The following PSD3 variants were observed in gnomAD, a reference collection of about 807,000 sequenced individuals.
PSD3 encodes the protein PH and SEC7 domain-containing protein 3.
PSD3 carries 49 observed loss-of-function variants against 105.5 expected under a neutral mutation model. The observed-to-expected ratio is 0.46, with a 90% CI of 0.37 to 0.59. PSD3 has a LOEUF of 0.59. Among genes scored for constraint, PSD3 ranks in the 20% least tolerant of loss-of-function variants. The pLI, the probability that PSD3 is intolerant of heterozygous loss-of-function variation, is 0.00. For synonymous variants in PSD3, 557 were observed against 457.8 expected (o/e 1.22, Z -2.77); for missense variants, 1,561 against 1,263.8 (o/e 1.24, Z -3.57).
chr8:18,984,985 G>A (rs529836243), intron 1 of PSD3, among the ~76,000 whole-genome samples: 1 of 152,298 alleles, frequency 6.6e-6, no homozygotes, highest in African/African-American at 2.4e-5. Flanking sequence ...CCAGGCTGGA[G>A]TACGGTAGCG....
chr8:18,936,220 T>C (rs1293554841), intron 1 of PSD3, 78 bp from the exon 2 acceptor site: 29 of 928,922 alleles, frequency 3.1e-5, no homozygotes, highest in Admixed American at 1.9e-5. Flanking sequence ...TTATCCAACA[T>C]GAGATTGGTA....
At chr8:18,754,622 G>T (rs1392146001) in intron 9 of PSD3, among the ~76,000 whole-genome samples, 1 of 152,108 alleles carries the variant, frequency 6.6e-6, no homozygotes, top group Non-Finnish European at 1.5e-5. Context: ...AAAACTAATT[G>T]TGGGTATTAT....
chr8:18,775,445 T>A (rs1239391440), intron 8 of PSD3, among the ~76,000 whole-genome samples: 1 of 152,244 alleles, frequency 6.6e-6, no homozygotes, highest in African/African-American at 2.4e-5. Flanking sequence ...CTCTTTTTCA[T>A]ACTGTCTTTT....
intron 1 of PSD3, among the ~76,000 whole-genome samples, chr8:19,067,705 AG>A (rs1829123479): frequency 2.6e-5 from 4 of 152,160 alleles, no homozygotes; most frequent in African/African-American, 9.7e-5. Context: ...GAGCCACAGC[AG>A]GGGTCAATGA....
chr8:18,583,655 G>A (rs1802965239), intron 12 of PSD3, among the ~76,000 whole-genome samples: 1 of 152,146 alleles, frequency 6.6e-6, no homozygotes, highest in Non-Finnish European at 1.5e-5. Context: ...GTTTTTAAGT[G>A]TGGGGTTAGA....
intron 2 of PSD3, among the ~76,000 whole-genome samples, chr8:18,927,271 G>T (rs10107498): frequency 0.02 from 3,051 of 152,030 alleles, 111 homozygotes; most frequent in African/African-American, 0.069. Context: ...TGGGGTGCAA[G>T]GGCGCAACCT....
At chr8:18,784,488 C>G (rs1335022920) in intron 8 of PSD3, among the ~76,000 whole-genome samples, 1 of 152,080 alleles carries the variant, frequency 6.6e-6, no homozygotes, top group Non-Finnish European at 1.5e-5. Flanking sequence ...TTCATGAGCT[C>G]ATACAGGTTA....
intron 8 of PSD3, among the ~76,000 whole-genome samples, chr8:18,787,258 G>A (rs1357605572): frequency 2.0e-5 from 3 of 152,100 alleles, no homozygotes; most frequent in Non-Finnish European, 2.9e-5. Context: ...TGCCAATAAA[G>A]TACTTTAATA....
intron 2 of PSD3, among the ~76,000 whole-genome samples, chr8:18,882,792 C>T (rs1449742233): frequency 1.3e-5 from 2 of 151,610 alleles, no homozygotes; most frequent in African/African-American, 4.9e-5. Flanking sequence ...CCATACTCCA[C>T]TATACAGATA....
intron 9 of PSD3, among the ~76,000 whole-genome samples, chr8:18,731,709 T>C (rs979386796): frequency 6.6e-6 from 1 of 152,208 alleles, no homozygotes; most frequent in Non-Finnish European, 1.5e-5. Flanking sequence ...AATTAAAAGT[T>C]GTACTTTTAA....
intron 1 of PSD3, among the ~76,000 whole-genome samples, chr8:18,991,838 G>C (rs1825822945): frequency 6.6e-6 from 1 of 152,028 alleles, no homozygotes; most frequent in African/African-American, 2.4e-5. Context: ...CAAAATAATG[G>C]CTGTGCTTTT....
chr8:19,084,367 C>G (rs1423333342), exon 1 of PSD3: 2 of 456,284 alleles, frequency 4.4e-6, no homozygotes, highest in Admixed American at 4.7e-5. Context: ...CTCCTCAGCA[C>G]AGTCCTTTCC....
intron 1 of PSD3, among the ~76,000 whole-genome samples, chr8:18,977,665 A>T (rs1825018069): frequency 6.6e-6 from 1 of 152,206 alleles, no homozygotes; most frequent in African/African-American, 2.4e-5. Flanking sequence ...AAAACAGTAT[A>T]TACAGCCCAA....
chr8:18,873,373 G>A (rs1157617762), intron 2 of PSD3, among the ~76,000 whole-genome samples: 1 of 152,022 alleles, frequency 6.6e-6, no homozygotes, highest in East Asian at 1.9e-4. Context: ...CCCAACTACG[G>A]AAAATTCATT....
intron 1 of PSD3, among the ~76,000 whole-genome samples, chr8:19,046,199 C>T (rs1828311841): frequency 6.6e-6 from 1 of 152,154 alleles, no homozygotes; most frequent in Admixed American, 6.5e-5. Flanking sequence ...GCAACCTCTA[C>T]CTCCCAGGTT....
intron 4 of PSD3, among the ~76,000 whole-genome samples, chr8:18,855,582 A>G (rs1231095946): frequency 1.3e-5 from 2 of 152,256 alleles, no homozygotes; most frequent in South Asian, 2.1e-4. Flanking sequence ...GTATGTCCTC[A>G]AAAAGCAGCC....
intron 1 of PSD3, among the ~76,000 whole-genome samples, chr8:19,040,942 G>A (rs1187347831): frequency 6.6e-6 from 1 of 152,074 alleles, no homozygotes; most frequent in East Asian, 1.9e-4. Context: ...ACCCAGGCTG[G>A]AGTGCAGAGA....
chr8:18,819,063 A>T (rs1812470187), intron 4 of PSD3, among the ~76,000 whole-genome samples: 1 of 51,856 alleles, frequency 1.9e-5, no homozygotes, highest in South Asian at 6.2e-4. Flanking sequence ...GAACTGGAGA[A>T]CTTCCCGGCA....
At chr8:18,954,560 T>A (rs2129470263) in intron 1 of PSD3, among the ~76,000 whole-genome samples, 1 of 152,136 alleles carries the variant, frequency 6.6e-6, no homozygotes, top group South Asian at 2.1e-4. Context: ...CATCCATCCA[T>A]CACAAAAAAG....
Sources: gnomAD v4.1 joint callset for allele counts (sites outside exome capture counted in the v4.1 genomes callset) on GRCh38, gnomAD v4.1.1 for gene constraint, MANE v1.5 for transcripts, NCBI Gene and HGNC (gene_info 2026-07-23, HGNC 2026-07-21) for gene names.